IL1RAPL1: variants seen among roughly 807,000 people sequenced by gnomAD.
The protein encoded by IL1RAPL1 is interleukin-1 receptor accessory protein-like 1.
Under a neutral mutation model 48.4 loss-of-function variants are expected in IL1RAPL1, and 3 were observed. The observed-to-expected ratio is 0.06, with a 90% CI of 0.03 to 0.16. The LOEUF (loss-of-function observed/expected upper bound fraction) is 0.16, where lower values mean the gene tolerates loss of function less well. IL1RAPL1 is among the 10% of genes least tolerant of loss of function. The pLI, the probability that IL1RAPL1 is intolerant of heterozygous loss-of-function variation, is 1.00. For missense variants in IL1RAPL1, 349 were observed against 530.6 expected, an observed-to-expected ratio of 0.66 and a Z score of 3.36; for synonymous variants, 185 against 187.7, an observed-to-expected ratio of 0.99 and a Z score of 0.12.
intron 5 of IL1RAPL1, among the ~76,000 whole-genome samples, chrX:29,611,913 T>A (rs1350850570): frequency 9.0e-6 from 1 of 111,175 alleles, no homozygotes; most frequent in Non-Finnish European, 1.9e-5. Flanking sequence ...CCGGCCTAAC[T>A]CCTATTGACA....
intron 2 of IL1RAPL1, among the ~76,000 whole-genome samples, chrX:28,874,151 G>A (rs974459777): frequency 9.0e-6 from 1 of 111,175 alleles, no homozygotes; most frequent in South Asian, 3.8e-4. Flanking sequence ...CTGTCAACAC[G>A]TAACAATAAG....
chrX:29,548,999 G>C (rs1290340949), intron 5 of IL1RAPL1, among the ~76,000 whole-genome samples: 1 of 111,285 alleles, frequency 9.0e-6, no homozygotes, highest in Non-Finnish European at 1.9e-5. Context: ...ATGAATAGAG[G>C]GTTATTGCCT....
chrX:29,197,989 G>T (rs973070669), intron 2 of IL1RAPL1, among the ~76,000 whole-genome samples: 1 of 111,447 alleles, frequency 9.0e-6, no homozygotes, highest in African/African-American at 3.3e-5. Flanking sequence ...GATTACAGGC[G>T]TGAGCCACCG....
At chrX:29,078,014 G>A (rs749309584) in intron 2 of IL1RAPL1, among the ~76,000 whole-genome samples, 5 of 111,765 alleles carry the variant, frequency 4.5e-5, no homozygotes, top group African/African-American at 1.6e-4. Context: ...ACGGTGGCTC[G>A]TGCCTGTAAT....
At chrX:28,875,887 A>G (rs751492271) in intron 2 of IL1RAPL1, among the ~76,000 whole-genome samples, 23 of 111,542 alleles carry the variant, frequency 2.1e-4, no homozygotes, top group Non-Finnish European at 4.0e-4. Flanking sequence ...CCTATTTTCA[A>G]TGTTCCTAAT....
chrX:29,650,548 G>A (rs2147091264), intron 5 of IL1RAPL1, among the ~76,000 whole-genome samples: 1 of 109,761 alleles, frequency 9.1e-6, no homozygotes, highest in Admixed American at 9.7e-5. Flanking sequence ...TTCAATAAAT[G>A]GTTTTGGGAA....
chrX:28,735,761 C>A (rs1258285589), intron 1 of IL1RAPL1, among the ~76,000 whole-genome samples: 1 of 110,519 alleles, frequency 9.0e-6, no homozygotes, highest in Non-Finnish European at 1.9e-5. Flanking sequence ...CAGGGCAATA[C>A]CCTGTCTCCA....
chrX:28,703,376 T>C (rs940943734), intron 1 of IL1RAPL1, among the ~76,000 whole-genome samples: 4 of 111,817 alleles, frequency 3.6e-5, no homozygotes, highest in Non-Finnish European at 7.5e-5. Context: ...TTATTGATGA[T>C]GATGATGATG....
chrX:29,376,303 C>T (rs1933621725), intron 3 of IL1RAPL1, among the ~76,000 whole-genome samples: 1 of 110,836 alleles, frequency 9.0e-6, no homozygotes, highest in Non-Finnish European at 1.9e-5. Context: ...ATTTTGGTTT[C>T]TGCCTTCATT....
chrX:29,697,131 G>T (rs1271379276), intron 6 of IL1RAPL1, among the ~76,000 whole-genome samples: 2 of 111,268 alleles, frequency 1.8e-5, no homozygotes, highest in Non-Finnish European at 3.8e-5. Context: ...CTGCACTGCC[G>T]CAAGTGAGGG....
intron 2 of IL1RAPL1, among the ~76,000 whole-genome samples, chrX:29,042,326 A>G (rs186280565): frequency 2.4e-4 from 27 of 111,637 alleles, no homozygotes; most frequent in African/African-American, 8.5e-4. Flanking sequence ...TAAAAGTTTT[A>G]ACTGTGGCTA....
At chrX:29,418,081 T>TA (rs1327421294) in intron 5 of IL1RAPL1, among the ~76,000 whole-genome samples, 3 of 94,815 alleles carry the variant, frequency 3.2e-5, no homozygotes, top group African/African-American at 1.1e-4. Context: ...GTGTTCTTTT[T>TA]AAAAAAGTAA....
chrX:29,309,658 C>G (rs1932678807), intron 3 of IL1RAPL1, among the ~76,000 whole-genome samples: 1 of 109,658 alleles, frequency 9.1e-6, no homozygotes, highest in Admixed American at 9.7e-5. Context: ...ATTAAAAATA[C>G]AAAAATTAGC....
chrX:28,657,342 T>C (rs1934761295), intron 1 of IL1RAPL1, among the ~76,000 whole-genome samples: 1 of 112,113 alleles, frequency 8.9e-6, no homozygotes, highest in South Asian at 3.7e-4. Context: ...TTTTCCACAT[T>C]TTTTTCCAGT....
At position 29,738,754 on chromosome X, in the gene IL1RAPL1, G is replaced by A. The variant is rs145911321; in HGVS notation, c.778+70250G>A. Among the ~76,000 whole-genome samples the A allele has an allele frequency of 7.0e-3, 785 of 111,819 alleles. 10 individuals are homozygous for A. The highest frequency in any genetic ancestry group is 0.024 in the African/African-American group (749 of 30,796). On this transcript the variant is annotated intron_variant, in intron 6 of 10. Transcript: ENST00000378993. ...CACCTGGCCTTGTCATTTTGTTACCGTTAACACTTTCCTCTAGGTCTGGTT... is the reference window on the plus strand; with the variant it reads ...CACCTGGCCTTGTCATTTTGTTACCATTAACACTTTCCTCTAGGTCTGGTT...
chrX:29,665,566 C>G (rs1010431367), intron 5 of IL1RAPL1, among the ~76,000 whole-genome samples: 6 of 112,193 alleles, frequency 5.3e-5, no homozygotes, highest in African/African-American at 1.9e-4. Flanking sequence ...AGCTCATATT[C>G]TTCCTTTGTG....
rs768170889 is a variant in IL1RAPL1, at chrX:29,726,359, T to A, written c.778+57855T>A. On this transcript the variant is annotated intron_variant, in intron 6 of 10. Transcript: ENST00000378993. The stretch of plus-strand genomic sequence containing the variant: ...GCATTATACCTCACATAGTTATCAT[T>A]TTGTGGTGATAACCCTTAACACCCT... Among the ~76,000 whole-genome samples, 3 of 112,171 alleles carry A rather than the reference T, an allele frequency of 2.7e-5. No homozygotes were observed. In the South Asian group the frequency reaches 1.1e-3, roughly 42 times the overall value.
At chrX:28,906,381 G>T (rs1184930986) in intron 2 of IL1RAPL1, among the ~76,000 whole-genome samples, 1 of 112,275 alleles carries the variant, frequency 8.9e-6, no homozygotes, top group African/African-American at 3.2e-5. Context: ...CTCTGAGTCA[G>T]AAGCACATTT....
At chrX:29,117,621 A>G (rs1928703262) in intron 2 of IL1RAPL1, among the ~76,000 whole-genome samples, 1 of 112,197 alleles carries the variant, frequency 8.9e-6, no homozygotes, top group African/African-American at 3.2e-5. Flanking sequence ...GACATTTACC[A>G]TTTTAAAGGC....
Sources: gnomAD v4.1 joint callset for allele counts (sites outside exome capture counted in the v4.1 genomes callset) on GRCh38, gnomAD v4.1.1 for gene constraint, MANE v1.5 for transcripts, NCBI Gene and HGNC (gene_info 2026-07-23, HGNC 2026-07-21) for gene names.